ARID1B: variants seen among roughly 807,000 people sequenced by gnomAD.
The protein encoded by ARID1B is AT-rich interactive domain-containing protein 1B.
ARID1B carries 30 observed loss-of-function variants against 212.3 expected under a neutral mutation model. The ratio of observed to expected loss-of-function variants is 0.14; its 90% CI spans 0.11 to 0.19. The LOEUF (loss-of-function observed/expected upper bound fraction) is 0.19. Ranked by LOEUF, ARID1B falls within the 10% of genes least tolerant of loss-of-function variation. The pLI is 1.00. For synonymous variants in ARID1B, 1,402 were observed against 1,301.7 expected, an observed-to-expected ratio of 1.08 and a Z score of -1.66; for missense variants, 2,891 against 3,204.0, an observed-to-expected ratio of 0.90 and a Z score of 2.36.
At chr6:156,877,916 A>G (rs1224344245) in intron 2 of ARID1B, among the ~76,000 whole-genome samples, 1 of 151,500 alleles carries the variant, frequency 6.6e-6, no homozygotes, top group African/African-American at 2.4e-5. Context: ...CGGTTTTGCC[A>G]TGTTGGCCAG....
At chr6:156,909,698 C>T (rs988500411) in intron 3 of ARID1B, among the ~76,000 whole-genome samples, 2 of 152,276 alleles carry the variant, frequency 1.3e-5, no homozygotes, top group East Asian at 3.9e-4. Flanking sequence ...CTTTATCTGC[C>T]AGTTTTCTCT....
At chr6:157,081,397 G>A (rs947823649) in intron 4 of ARID1B, among the ~76,000 whole-genome samples, 7 of 152,174 alleles carry the variant, frequency 4.6e-5, no homozygotes, top group African/African-American at 1.7e-4. Context: ...TCTTTTATTA[G>A]CATGTTTTAA....
chr6:156,937,897 C>T (rs1203512763), intron 4 of ARID1B: 1 of 151,600 alleles, frequency 6.6e-6, no homozygotes, highest in Non-Finnish European at 1.5e-5. Context: ...TATTTTCTTT[C>T]CGTTTTTGTA....
intron 1 of ARID1B, among the ~76,000 whole-genome samples, chr6:156,795,569 G>A (rs1169971161): frequency 6.6e-6 from 1 of 152,164 alleles, no homozygotes; most frequent in Non-Finnish European, 1.5e-5. Context: ...CAGTTCTTCA[G>A]TGAGGTTATT....
At chr6:156,840,208 A>G (rs1337917906) in intron 2 of ARID1B, among the ~76,000 whole-genome samples, 2 of 151,708 alleles carry the variant, frequency 1.3e-5, no homozygotes, top group African/African-American at 2.4e-5. Flanking sequence ...AGCCTTTTTC[A>G]TCTGTTCTGA....
intron 5 of ARID1B, 118 bp from the exon 6 acceptor site, chr6:157,110,354 A>G (rs1786816709): frequency 3.8e-6 from 3 of 787,710 alleles, no homozygotes; most frequent in African/African-American, 3.5e-5. Context: ...TCTTTTTTTA[A>G]TGGGGCTATA....
In ARID1B at chr6:157,210,429, T is replaced by C. The variant is rs941713744; in HGVS notation, c.*2538T>C. 49 of 231,174 alleles carry C rather than the reference T, an allele frequency of 2.1e-4. No homozygotes were observed. Among genetic ancestry groups the C allele is most frequent in the African/African-American group, 1.0e-3 (47 of 45,056 alleles). The allele number at this position is 231,174 out of a possible 1,614,324, so 14.3% of individuals were successfully genotyped here. ...CAAAAGACTGTTGTTATGGTTTGCATTGTAACCGATACGCAGAGTCTGACC... is the reference window on the plus strand; with the variant it reads ...CAAAAGACTGTTGTTATGGTTTGCACTGTAACCGATACGCAGAGTCTGACC... On this transcript the variant is annotated 3_prime_UTR_variant, in exon 20 of 20. Transcript: ENST00000636930.
At chr6:156,806,422 C>A (rs1781160722) in intron 1 of ARID1B, among the ~76,000 whole-genome samples, 2 of 152,184 alleles carry the variant, frequency 1.3e-5, no homozygotes, top group South Asian at 4.1e-4. Context: ...GTCCTTTCTT[C>A]TAAAAACACA....
At chr6:157,186,361 A>T (rs1184509363) in intron 13 of ARID1B, 2 of 463,396 alleles carry the variant, frequency 4.3e-6, no homozygotes, top group African/African-American at 4.0e-5. Context: ...TCAGTAGTCC[A>T]GATGGAGCCG....
chr6:157,046,674 G>C (rs925332576), intron 4 of ARID1B, among the ~76,000 whole-genome samples: 4 of 152,144 alleles, frequency 2.6e-5, no homozygotes, highest in Non-Finnish European at 5.9e-5. Flanking sequence ...ATAGAATTTT[G>C]TTGTTGTATT....
chr6:157,062,489 G>A (rs533891568), intron 4 of ARID1B, among the ~76,000 whole-genome samples: 58 of 151,902 alleles, frequency 3.8e-4, no homozygotes, highest in African/African-American at 1.2e-3. Context: ...GTGAGCCACC[G>A]AACATGGCTT....
Position 157,089,927 on chromosome 6 carries a change from T to C in ARID1B, c.2491+5022T>C, listed in dbSNP as rs926105993. 3.3e-5 allele frequency among the ~76,000 whole-genome samples: 5 copies of C among 151,078 alleles called. No individual in the cohort carries two copies. The East Asian group carries it at 9.6e-4, about 29-fold the overall frequency. On this transcript the variant is annotated intron_variant, in intron 5 of 19. Coordinates refer to ENST00000636930, the MANE Select transcript of ARID1B (RefSeq NM_001374828.1). ...GGGTTATATCCTAGCGTTTTTCACTTTGGCGTTAGGAGGGCTGCTGGGTTT... is the reference window on the plus strand; with the variant it reads ...GGGTTATATCCTAGCGTTTTTCACTCTGGCGTTAGGAGGGCTGCTGGGTTT...
rs375107301 is a variant in ARID1B at position 156,812,193 on chromosome 6, A to G, written c.1792-17034A>G. ...GTCGCTCAGGCTGGTGTGTGGTGGC[A>G]TGATCACAGCTCATTGCAGCCTCAA... On this transcript the variant is annotated intron_variant, in intron 1 of 19. Coordinates refer to ENST00000636930, the MANE Select transcript of ARID1B (RefSeq NM_001374828.1). Among the ~76,000 whole-genome samples, 36 of 152,284 alleles carry G rather than the reference A, an allele frequency of 2.4e-4. 1 individual carries two copies. Among genetic ancestry groups the G allele is most frequent in the African/African-American group, 7.2e-4 (30 of 41,566 alleles).
At chr6:156,785,454 A>G (rs1456404931) in intron 1 of ARID1B, among the ~76,000 whole-genome samples, 1 of 152,202 alleles carries the variant, frequency 6.6e-6, no homozygotes, top group Non-Finnish European at 1.5e-5. Flanking sequence ...TGAAATCCAG[A>G]AGAAATCCTG....
chr6:156,829,606 T>G (rs1562418208), intron 2 of ARID1B, 185 bp downstream of exon 2: 1 of 659,014 alleles, frequency 1.5e-6, no homozygotes, highest in East Asian at 2.9e-5. Flanking sequence ...AAGGTGAGCT[T>G]CTTAAAGTGG....
intron 2 of ARID1B, among the ~76,000 whole-genome samples, chr6:156,887,909 A>G (rs1300552784): frequency 6.6e-6 from 1 of 152,194 alleles, no homozygotes; most frequent in African/African-American, 2.4e-5. Context: ...TTCCCCTACA[A>G]GGCTCCCCTT....
chr6:156,946,155 A>G (rs148250644), intron 4 of ARID1B, among the ~76,000 whole-genome samples: 6,687 of 149,690 alleles, frequency 0.045, 367 homozygotes, highest in East Asian at 0.25. Context: ...TCAGGAGTTC[A>G]AGACCAGCCT....
chr6:156,945,375 T>C (rs950703435), intron 4 of ARID1B, among the ~76,000 whole-genome samples: 12 of 150,806 alleles, frequency 8.0e-5, no homozygotes, highest in Non-Finnish European at 1.5e-5. Flanking sequence ...CAAAATGGTA[T>C]GCACTGAGGC....
At chr6:156,860,122 G>A (rs1399203129) in intron 2 of ARID1B, among the ~76,000 whole-genome samples, 2 of 152,264 alleles carry the variant, frequency 1.3e-5, no homozygotes, top group Non-Finnish European at 2.9e-5. Flanking sequence ...CTATACTTAT[G>A]CATATATCTC....
Sources: allele counts gnomAD v4.1 joint callset (sites outside exome capture counted in the v4.1 genomes callset), GRCh38; gene constraint gnomAD v4.1.1; transcripts MANE v1.5; gene names NCBI Gene and HGNC (gene_info 2026-07-23, HGNC 2026-07-21).